Variants in SBF2 observed in about 807,000 individuals in gnomAD.
The protein encoded by SBF2 is SET binding factor 2.
In SBF2, 112 loss-of-function variants were observed where a neutral mutation model predicts 225.2. The observed-to-expected ratio is 0.50, with a 90% CI of 0.43 to 0.58. The LOEUF (loss-of-function observed/expected upper bound fraction) is 0.58. SBF2 is among the 20% of genes least tolerant of loss of function. The pLI, the probability that SBF2 is intolerant of heterozygous loss-of-function variation, is 0.00. For synonymous variants in SBF2, 763 were observed against 773.3 expected, an observed-to-expected ratio of 0.99 and a Z score of 0.22; for missense variants, 1,996 against 2,206.2, an observed-to-expected ratio of 0.90 and a Z score of 1.91.
intron 13 of SBF2, among the ~76,000 whole-genome samples, chr11:9,984,256 T>C (rs1289131282): frequency 6.6e-6 from 1 of 152,064 alleles, no homozygotes; most frequent in Non-Finnish European, 1.5e-5. Flanking sequence ...TCAAGAAACT[T>C]TGGACACACT....
intron 2 of SBF2, among the ~76,000 whole-genome samples, chr11:10,187,381 A>C (rs1168286728): frequency 6.6e-6 from 1 of 151,658 alleles, no homozygotes; most frequent in Non-Finnish European, 1.5e-5. Context: ...GGCTTGCTGA[A>C]AGCATGTCCA....
intron 2 of SBF2, among the ~76,000 whole-genome samples, chr11:10,078,627 C>A (rs753185889): frequency 7.7e-6 from 1 of 130,146 alleles, no homozygotes; most frequent in East Asian, 2.4e-4. Context: ...CAGGGCCTAT[C>A]GGGGGTTTGG....
intron 13 of SBF2, among the ~76,000 whole-genome samples, chr11:9,984,659 A>C (rs1947116548): frequency 6.6e-6 from 1 of 152,216 alleles, no homozygotes. Context: ...CGAAGGAAAG[A>C]ATCTTAAGAG....
chr11:10,051,880 A>G (rs1258799191), intron 2 of SBF2, among the ~76,000 whole-genome samples: 3 of 152,158 alleles, frequency 2.0e-5, no homozygotes, highest in Non-Finnish European at 4.4e-5. Context: ...TTTAATGAGA[A>G]GTACTCCTCA....
Position 9,863,754 on chromosome 11 carries a change from C to CTT in SBF2, c.1930-5360_1930-5359dup, listed in dbSNP as rs57525886. Among the ~76,000 whole-genome samples, 23 of 141,704 alleles carry CTT rather than the reference C, an allele frequency of 1.6e-4. No homozygotes were observed. The Middle Eastern group carries it at 0.011, about 68-fold the overall frequency. 93.0% of individuals were successfully genotyped at this position (141,704 alleles called of 152,430 possible). A position where few individuals can be genotyped will look rare whatever the true frequency, so the allele number is the denominator to read the frequency against. On this transcript the variant is annotated intron_variant, in intron 17 of 39. Transcript: ENST00000256190. ...ATTTGCTTTGTCCCTCCCTCTCTCT[C>CTT]TTTTTTTTTTTTTTTAAAGAAAGGA...
chr11:10,089,393 G>A (rs1951696876), intron 2 of SBF2, among the ~76,000 whole-genome samples: 1 of 152,140 alleles, frequency 6.6e-6, no homozygotes, highest in Non-Finnish European at 1.5e-5. Context: ...GCCAATAAAA[G>A]TTTCACTGTT....
chr11:10,015,031 C>T (rs1382816827), intron 6 of SBF2, among the ~76,000 whole-genome samples: 4 of 152,094 alleles, frequency 2.6e-5, no homozygotes, highest in South Asian at 2.1e-4. Flanking sequence ...CTTGGGTGGA[C>T]GCTGACGTAG....
At chr11:10,150,203 T>A (rs1234017111) in intron 2 of SBF2, among the ~76,000 whole-genome samples, 1 of 152,198 alleles carries the variant, frequency 6.6e-6, no homozygotes, top group African/African-American at 2.4e-5. Flanking sequence ...AGATGGAGAA[T>A]ACTAAATAAA....
intron 16 of SBF2, chr11:9,959,662 C>A: frequency 1.3e-6 from 1 of 745,290 alleles, no homozygotes; most frequent in Non-Finnish European, 2.5e-6. Context: ...GGTTCACTTG[C>A]AGCGCAGTCT....
At chr11:9,967,698 C>A (rs977447139) in intron 14 of SBF2, among the ~76,000 whole-genome samples, 3 of 152,068 alleles carry the variant, frequency 2.0e-5, no homozygotes, top group Non-Finnish European at 4.4e-5. Context: ...GGCGGATCAC[C>A]TGAGGTCGGG....
intron 2 of SBF2, among the ~76,000 whole-genome samples, chr11:10,160,603 C>T (rs1347661139): frequency 1.3e-5 from 2 of 152,182 alleles, no homozygotes; most frequent in South Asian, 2.1e-4. Context: ...TTTCTTTATA[C>T]ACCTTTCTGT....
chr11:9,826,275 A>G (rs961820298), intron 28 of SBF2, among the ~76,000 whole-genome samples: 10 of 152,184 alleles, frequency 6.6e-5, no homozygotes, highest in Non-Finnish European at 1.3e-4. Context: ...TAGCTAATGC[A>G]GTTTTAGGCT....
Position 9,812,680 on chromosome 11 carries a change from C to A in SBF2, c.4007G>T (p.Cys1336Phe). The A allele has an allele frequency of 6.2e-7, 1 of 1,614,160 alleles. No homozygotes were observed. The highest frequency in any genetic ancestry group is 1.1e-5 in the South Asian group (1 of 91,080). The change falls in exon 30 of 40, where the codon TGT becomes TTT. Residue 1336 changes from cysteine to phenylalanine, a missense_variant. Cys to Phe is a radical substitution (Grantham distance 205). Transcript: ENST00000256190. ...ATGAAATTCAACAGGAACAAACTCA[C>A]AATTTAAAGCAAATTCTACCTTGAA... ...RNFKVEFALN[C>F]EFVPVEFHEI...
chr11:9,991,360 C>G (rs565159218), intron 12 of SBF2, among the ~76,000 whole-genome samples: 3 of 152,246 alleles, frequency 2.0e-5, no homozygotes, highest in Admixed American at 6.5e-5. Context: ...AAATTCTTAC[C>G]TGTGAATACT....
intron 2 of SBF2, among the ~76,000 whole-genome samples, chr11:10,176,258 C>T (rs1381057338): frequency 6.7e-6 from 1 of 149,728 alleles, no homozygotes; most frequent in Non-Finnish European, 1.5e-5. Flanking sequence ...AAAATTGACA[C>T]CCTAACATCA....
intron 16 of SBF2, chr11:9,961,667 T>C (rs1052262394): frequency 6.6e-6 from 2 of 301,602 alleles, no homozygotes; most frequent in Non-Finnish European, 1.3e-5. Flanking sequence ...TTAAGTAATA[T>C]ATAACTGAAT....
chr11:10,188,661 A>G (rs1317838871), intron 2 of SBF2, among the ~76,000 whole-genome samples: 1 of 152,238 alleles, frequency 6.6e-6, no homozygotes, highest in Non-Finnish European at 1.5e-5. Context: ...TATTAGAATC[A>G]TAACACCAAG....
intron 2 of SBF2, among the ~76,000 whole-genome samples, chr11:10,173,466 G>C (rs1031876593): frequency 6.6e-6 from 1 of 152,214 alleles, no homozygotes; most frequent in Non-Finnish European, 1.5e-5. Context: ...CTTAAAAAAC[G>C]CCGCACCAGG....
At chr11:9,907,458 C>T (rs1182981069) in intron 16 of SBF2, among the ~76,000 whole-genome samples, 1 of 152,164 alleles carries the variant, frequency 6.6e-6, no homozygotes, top group African/African-American at 2.4e-5. Flanking sequence ...TGCATGCCCC[C>T]ATATTTCTCC....
Sources: gnomAD v4.1 joint callset for allele counts (sites outside exome capture counted in the v4.1 genomes callset) on GRCh38, gnomAD v4.1.1 for gene constraint, MANE v1.5 for transcripts, NCBI Gene and HGNC (gene_info 2026-07-23, HGNC 2026-07-21) for gene names.